The following SAMD5 variants were observed in gnomAD, a reference collection of about 807,000 sequenced individuals.
The protein encoded by SAMD5 is sterile alpha motif domain-containing protein 5.
A neutral mutation model predicts 11.3 loss-of-function variants in SAMD5; 13 were observed. The ratio of observed to expected loss-of-function variants is 1.15; its 90% CI spans 0.75 to 1.83. SAMD5 has a LOEUF of 1.83. Ranked by LOEUF, SAMD5 falls within the 40% of genes most tolerant of loss-of-function variation. SAMD5 has a pLI of 0.00. For synonymous variants in SAMD5, 129 were observed against 111.3 expected (o/e 1.16, Z -1.00); for missense variants, 255 against 239.1 (o/e 1.07, Z -0.44).
At chr6:147,656,899 C>CGTATGT (rs1790578433) in intron 1 of SAMD5, among the ~76,000 whole-genome samples, 1 of 149,062 alleles carries the variant, frequency 6.7e-6, no homozygotes, top group African/African-American at 2.5e-5. Context: ...ATACAGTATA[C>CGTATGT]GTGTGTGTGT....
At chr6:147,525,302 T>C (rs975143979) in intron 1 of SAMD5, among the ~76,000 whole-genome samples, 1 of 144,892 alleles carries the variant, frequency 6.9e-6, no homozygotes. Flanking sequence ...GCATCTAGTA[T>C]GGCAGGGAGG....
chr6:147,592,738 A>G (rs1165584324), intron 1 of SAMD5, among the ~76,000 whole-genome samples: 3 of 152,048 alleles, frequency 2.0e-5, no homozygotes, highest in Non-Finnish European at 4.4e-5. Context: ...AATAATACCC[A>G]TATTGAAAGG....
chr6:147,646,242 C>T (rs990303236), intron 1 of SAMD5, among the ~76,000 whole-genome samples: 5 of 152,096 alleles, frequency 3.3e-5, no homozygotes, highest in Non-Finnish European at 5.9e-5. Context: ...GTAGTCAATT[C>T]ATAGACCAGC....
At chr6:147,710,619 C>A (rs1791384963) in intron 1 of SAMD5, among the ~76,000 whole-genome samples, 1 of 152,130 alleles carries the variant, frequency 6.6e-6, no homozygotes. Flanking sequence ...TTAATAATGG[C>A]CCCAAAGTGC....
At chr6:147,810,137 G>A in the SAMD5 span, among the ~76,000 whole-genome samples, 3 of 152,120 alleles carry the variant, frequency 2.0e-5, no homozygotes, top group East Asian at 3.9e-4. Context: ...GACCTTTTAC[G>A]ATGAAGATAA....
rs1328105734 is a variant in SAMD5 at position 147,720,425 on chromosome 6, T to TGCACTCCA, written c.163-16889_163-16882dup. On this transcript the variant is annotated intron_variant, in intron 1 of 1. Coordinates refer to the SAMD5 transcript ENST00000566741. ...TTGCAGTGAGCCGAGATAGCGCCAC[T>TGCACTCCA]GCACTCCAGCCTGGGCGACAGAGCG... Among the ~76,000 whole-genome samples, 4 of 151,204 alleles carry TGCACTCCA rather than the reference T, an allele frequency of 2.6e-5. No individual in the cohort carries two copies. The East Asian group carries it at 7.9e-4, about 30-fold the overall frequency.
At chr6:147,548,723 A>T (rs1283429389) in intron 1 of SAMD5, among the ~76,000 whole-genome samples, 1 of 152,144 alleles carries the variant, frequency 6.6e-6, no homozygotes, top group African/African-American at 2.4e-5. Context: ...TTGGGTGGTC[A>T]TGTGCTGAAA....
chr6:147,643,486 G>A (rs1790344563), intron 1 of SAMD5, among the ~76,000 whole-genome samples: 1 of 152,060 alleles, frequency 6.6e-6, no homozygotes, highest in Non-Finnish European at 1.5e-5. Flanking sequence ...TGGCCGCCTG[G>A]TCTGACTTAA....
chr6:147,540,133 G>A (rs999968068), intron 1 of SAMD5, among the ~76,000 whole-genome samples: 2 of 151,926 alleles, frequency 1.3e-5, no homozygotes, highest in Admixed American at 1.3e-4. Context: ...CCCCAGGGTA[G>A]TTTAGAGAAA....
At chr6:147,694,587 TGGGTGGATC>T (rs1336682239) in intron 1 of SAMD5, among the ~76,000 whole-genome samples, 1 of 150,084 alleles carries the variant, frequency 6.7e-6, no homozygotes, top group Non-Finnish European at 1.5e-5. Flanking sequence ...GAGGCCAAGG[TGGGTGGATC>T]GCTTGAGTCC....
At chr6:147,799,266 G>A in the SAMD5 span, among the ~76,000 whole-genome samples, 1 of 151,718 alleles carries the variant, frequency 6.6e-6, no homozygotes, top group Non-Finnish European at 1.5e-5. Flanking sequence ...CAGGCCTGGT[G>A]GTGACAAAAT....
chr6:147,690,066 C>T (rs1308142790), intron 1 of SAMD5, among the ~76,000 whole-genome samples: 1 of 152,106 alleles, frequency 6.6e-6, no homozygotes, highest in African/African-American at 2.4e-5. Context: ...CAGTAAAAAA[C>T]AGTGCAATTT....
At chr6:147,595,549 CAG>C (rs1386433290) in intron 1 of SAMD5, among the ~76,000 whole-genome samples, 1 of 103,660 alleles carries the variant, frequency 9.6e-6, no homozygotes, top group Non-Finnish European at 1.7e-5. Flanking sequence ...TTTTTTGAGA[CAG>C]AGTCTTGCTC....
the SAMD5 span, among the ~76,000 whole-genome samples, chr6:147,937,485 G>A: frequency 3.3e-5 from 5 of 152,230 alleles, no homozygotes; most frequent in African/African-American, 1.2e-4. Flanking sequence ...CTCCTAGGCT[G>A]AGGATGACCT....
chr6:147,871,788 A>T, the SAMD5 span, among the ~76,000 whole-genome samples: 2 of 152,160 alleles, frequency 1.3e-5, no homozygotes, highest in East Asian at 3.9e-4. Flanking sequence ...AAAATCTGTC[A>T]GTTTTTTCCA....
the SAMD5 span, among the ~76,000 whole-genome samples, chr6:147,838,118 T>G: frequency 6.6e-6 from 1 of 152,138 alleles, no homozygotes; most frequent in East Asian, 1.9e-4. Context: ...AAGAAAGAAT[T>G]TAAGATACTC....
At chr6:147,621,619 A>T (rs1789969589) in intron 1 of SAMD5, among the ~76,000 whole-genome samples, 1 of 152,190 alleles carries the variant, frequency 6.6e-6, no homozygotes, top group Non-Finnish European at 1.5e-5. Flanking sequence ...TAGACATATG[A>T]CCCAGGTCAG....
At chr6:147,802,579 C>T in the SAMD5 span, among the ~76,000 whole-genome samples, 1 of 150,756 alleles carries the variant, frequency 6.6e-6, no homozygotes, top group Non-Finnish European at 1.5e-5. Context: ...GAAAGGACAG[C>T]GTATGTTCAC....
chr6:147,632,764 C>A (rs1446151876), intron 1 of SAMD5, among the ~76,000 whole-genome samples: 1 of 152,102 alleles, frequency 6.6e-6, no homozygotes, highest in African/African-American at 2.4e-5. Context: ...TAATAATAAG[C>A]CTTAAAAATA....
Sources: gnomAD v4.1 joint callset for allele counts (sites outside exome capture counted in the v4.1 genomes callset) on GRCh38, gnomAD v4.1.1 for gene constraint, MANE v1.5 for transcripts, NCBI Gene and HGNC (gene_info 2026-07-23, HGNC 2026-07-21) for gene names.